The following PRORP variants were observed in gnomAD, a reference collection of about 807,000 sequenced individuals.
The protein encoded by PRORP is mitochondrial ribonuclease P catalytic subunit.
Under a neutral mutation model 59.4 loss-of-function variants are expected in PRORP, and 51 were observed. The observed-to-expected ratio is 0.86, with a 90% CI of 0.69 to 1.08. PRORP has a LOEUF of 1.08. Among genes scored for constraint, PRORP ranks in the 50% least tolerant of loss-of-function variants. The pLI, the probability that PRORP is intolerant of heterozygous loss-of-function variation, is 0.00. For missense variants in PRORP, 646 were observed against 690.3 expected (o/e 0.94, Z 0.72); for synonymous variants, 231 against 245.6 (o/e 0.94, Z 0.55).
At chr14:35,211,205 G>A (rs1001087415) in intron 5 of PRORP, among the ~76,000 whole-genome samples, 13 of 151,430 alleles carry the variant, frequency 8.6e-5, no homozygotes, top group African/African-American at 3.2e-4. Context: ...GTTTTTTAGT[G>A]GGTAACACTA....
In PRORP at chr14:35,272,093, A is replaced by T. The variant is rs139419265; in HGVS notation, c.1621-1342A>T. On this transcript the variant is annotated intron_variant, in intron 7 of 7. Transcript: ENST00000534898. ...GGTCAAAGGAGAAAAAATTTCAGTT[A>T]GATAAGAGGAATACGTTCCATGATG... Among the ~76,000 whole-genome samples, 54 of 152,292 alleles carry T rather than the reference A, an allele frequency of 3.5e-4. No homozygotes were observed. The East Asian group carries it at 0.01, about 28-fold the overall frequency.
At chr14:35,262,495 C>A in intron 5 of PRORP, 1 of 538,298 alleles carries the variant, frequency 1.9e-6, no homozygotes, top group African/African-American at 1.9e-5. Flanking sequence ...TGTCAACATT[C>A]CAGAAAATGG....
intron 5 of PRORP, among the ~76,000 whole-genome samples, chr14:35,219,438 A>AT (rs1228507498): frequency 1.3e-5 from 2 of 152,134 alleles, no homozygotes; most frequent in African/African-American, 2.4e-5. Context: ...CTATGGAGAC[A>AT]TTTTTTCTAC....
chr14:35,146,803 T>C (rs1215246099), intron 4 of PRORP, among the ~76,000 whole-genome samples: 1 of 152,218 alleles, frequency 6.6e-6, no homozygotes, highest in East Asian at 1.9e-4. Flanking sequence ...ATAAAAGTTA[T>C]CTTTCCATGG....
At chr14:35,201,363 G>A (rs1373527059) in intron 5 of PRORP, among the ~76,000 whole-genome samples, 1 of 152,144 alleles carries the variant, frequency 6.6e-6, no homozygotes, top group Admixed American at 6.5e-5. Flanking sequence ...CTTGAGGGCA[G>A]AGTATTTACG....
chr14:35,202,640 AT>A lies in PRORP; in HGVS notation c.1275+21869del, dbSNP rs559836667. ...TTTAGTTGGTTAGTTTGGTTTTTTTATTTTTTAGAGACAGGGCCTCCTTCTA... is the reference window on the plus strand; with the variant it reads ...TTTAGTTGGTTAGTTTGGTTTTTTTATTTTTAGAGACAGGGCCTCCTTCTA... On this transcript the variant is annotated intron_variant, in intron 5 of 7. Transcript: ENST00000534898. Among the ~76,000 whole-genome samples, 395 of 151,718 alleles carry A rather than the reference AT, an allele frequency of 2.6e-3. 3 individuals are homozygous for A. Among genetic ancestry groups the A allele is most frequent in the African/African-American group, 8.2e-3 (338 of 41,328 alleles).
At chr14:35,122,538 A>G (rs534482488), upstream of PRORP, 2 of 154,992 alleles carry the variant, frequency 1.3e-5, no homozygotes, top group South Asian at 3.6e-4. Flanking sequence ...GGCGCGGTGC[A>G]TCGTGGGCAC....
intron 5 of PRORP, among the ~76,000 whole-genome samples, chr14:35,191,509 C>G (rs992711286): frequency 2.6e-5 from 4 of 152,022 alleles, no homozygotes; most frequent in African/African-American, 7.2e-5. Context: ...CGAGACCAGC[C>G]TAGGCAACAT....
Position 35,123,820 on chromosome 14 carries a change from C to T in PRORP, c.575C>T (p.Ser192Phe), listed in dbSNP as rs750859496. The T allele has an allele frequency of 1.9e-6, 3 of 1,613,988 alleles. No individual in the cohort carries two copies. In the South Asian group the frequency reaches 3.3e-5, roughly 18 times the overall value. ...CTCTGTGTCTTTCATATGCAGACAT[C>T]TGAAGTTATTGATGTCTTTGAAATT... Reference protein sequence around the residue: ...LYLCVFHMQTSEVIDVFEIMK... With the variant: ...LYLCVFHMQTFEVIDVFEIMK... The change falls in exon 2 of 8, where the codon TCT becomes TTT. Residue 192 changes from serine (S) to phenylalanine (F), a missense_variant. Ser to Phe is a radical substitution (Grantham distance 155). Transcript: ENST00000534898.
At chr14:35,138,856 T>A (rs1484087334) in intron 4 of PRORP, among the ~76,000 whole-genome samples, 1 of 144,582 alleles carries the variant, frequency 6.9e-6, no homozygotes, top group African/African-American at 2.4e-5. Flanking sequence ...AGTGGTGCCA[T>A]CTGGGCTCAC....
chr14:35,209,841 T>A (rs2139164447), intron 5 of PRORP, among the ~76,000 whole-genome samples: 1 of 152,280 alleles, frequency 6.6e-6, no homozygotes, highest in Non-Finnish European at 1.5e-5. Flanking sequence ...TGGCCTCTCT[T>A]GATTTCTTGA....
intron 4 of PRORP, among the ~76,000 whole-genome samples, chr14:35,147,014 C>T (rs996469159): frequency 3.9e-5 from 6 of 152,086 alleles, no homozygotes; most frequent in Non-Finnish European, 8.8e-5. Flanking sequence ...TGTAGGATCA[C>T]TCAAGCCCAG....
chr14:35,150,065 G>A (rs1056071229), intron 4 of PRORP, among the ~76,000 whole-genome samples: 3 of 152,092 alleles, frequency 2.0e-5, no homozygotes, highest in Admixed American at 6.6e-5. Context: ...AGGCTGGTCT[G>A]GAACTTCTGG....
At chr14:35,263,184 T>A in intron 5 of PRORP, 1 of 646,656 alleles carries the variant, frequency 1.5e-6, no homozygotes, top group Non-Finnish European at 2.6e-6. Context: ...AAATAGACAT[T>A]AACAATCTTT....
At chr14:35,122,039 C>T (rs2046922935), upstream of PRORP, 7 of 1,527,472 alleles carry the variant, frequency 4.6e-6, no homozygotes, top group Middle Eastern at 1.7e-4. Context: ...TCAGCACCGC[C>T]AGGCCCCGTA....
In PRORP at chr14:35,273,928, A is replaced by C. The variant is rs2051260350; in HGVS notation, c.*362A>C. 1 of 172,474 alleles carries C rather than the reference A, an allele frequency of 5.8e-6. No homozygotes were observed. Among genetic ancestry groups the C allele is most frequent in the African/African-American group, 2.4e-5 (1 of 41,762 alleles). 10.7% of individuals were successfully genotyped at this position (172,474 alleles called of 1,614,324 possible). A position where few individuals can be genotyped will look rare whatever the true frequency, so the allele number is the denominator to read the frequency against. ...TCCAGGCCTACCAATAGCAGAATCA[A>C]TCCATCTGTCCCTGAGATACTCATG... is the stretch of plus-strand genomic sequence containing the variant. On this transcript the variant is annotated 3_prime_UTR_variant, in exon 8 of 8. Coordinates refer to ENST00000534898, the MANE Select transcript of PRORP (RefSeq NM_014672.4).
intron 5 of PRORP, among the ~76,000 whole-genome samples, chr14:35,221,124 T>C (rs185361930): frequency 6.6e-6 from 1 of 152,310 alleles, no homozygotes; most frequent in Admixed American, 6.5e-5. Flanking sequence ...CTTCCTGTTT[T>C]AGAGCCTTGC....
Position 35,123,807 on chromosome 14 carries a change from C to T in PRORP, c.562C>T (p.His188Tyr). 6.2e-7 allele frequency: 1 copy of T among 1,614,118 alleles called. No homozygotes were observed. The highest frequency in any genetic ancestry group is 2.2e-5 in the East Asian group (1 of 44,892). ...LVKYLYLCVF[H>Y]MQTSEVIDVF... ...CAAGTATTTGTATCTCTGTGTCTTTCATATGCAGACATCTGAAGTTATTGA... is the reference window on the plus strand; with the variant it reads ...CAAGTATTTGTATCTCTGTGTCTTTTATATGCAGACATCTGAAGTTATTGA... The change falls in exon 2 of 8, where the codon CAT becomes TAT. Residue 188 changes from histidine to tyrosine, a missense_variant. His to Tyr is a moderately conservative substitution (Grantham distance 83). Coordinates refer to ENST00000534898, the MANE Select transcript of PRORP (RefSeq NM_014672.4).
At position 35,123,559 on chromosome 14, in the gene PRORP, T is replaced by TGAGGAACCTATGA; in HGVS notation, c.315_316insAGGAACCTATGAG (p.Ala106ArgfsTer4). ...AATTCTCAAACTGAAGATCATGCCT[T>TGAGGAACCTATGA]GGCACCTGTGAGGAACACTATTCAA... On this transcript the variant is annotated stop_gained and frameshift_variant, in exon 2 of 8. Coordinates refer to ENST00000534898, the MANE Select transcript of PRORP (RefSeq NM_014672.4). LOFTEE classifies it high-confidence loss of function. The TGAGGAACCTATGA allele has an allele frequency of 6.2e-7, 1 of 1,614,220 alleles. No individual in the cohort carries two copies.
Sources: gnomAD v4.1 joint callset for allele counts (sites outside exome capture counted in the v4.1 genomes callset) on GRCh38, gnomAD v4.1.1 for gene constraint, MANE v1.5 for transcripts, NCBI Gene and HGNC (gene_info 2026-07-23, HGNC 2026-07-21) for gene names.